The following SLC3A2 variants were observed in gnomAD, a reference collection of about 807,000 sequenced individuals.
The protein encoded by SLC3A2 is amino acid transporter heavy chain SLC3A2.
SLC3A2 carries 32 observed loss-of-function variants against 48.5 expected under a neutral mutation model. That is an observed-to-expected ratio of 0.66 (90% CI 0.50 to 0.89). SLC3A2 has a LOEUF of 0.89. SLC3A2 is among the 40% of genes least tolerant of loss of function. The probability of loss-of-function intolerance (pLI) is 0.00; values close to 1 mark genes in which losing one functional copy is unlikely to be tolerated. For synonymous variants in SLC3A2, 277 were observed against 288.8 expected, an observed-to-expected ratio of 0.96 and a Z score of 0.41; for missense variants, 587 against 680.7, an observed-to-expected ratio of 0.86 and a Z score of 1.53.
chr11:62,866,435 G>A (rs1251861300), intron 1 of SLC3A2, among the ~76,000 whole-genome samples: 1 of 151,510 alleles, frequency 6.6e-6, no homozygotes, highest in East Asian at 1.9e-4. Flanking sequence ...TCACTCTATT[G>A]CCCAGGCTGG....
At position 62,880,986 on chromosome 11, in the gene SLC3A2, A is replaced by G. The variant is rs374326797; in HGVS notation, c.-38A>G. On this transcript the variant is annotated 5_prime_UTR_variant, in exon 1 of 9. Transcript: ENST00000338663. ...CAGGTAGGGGTTGAGCCACCATCTGACCGCAAGCTGCGTCGTGTCGCCGGT... is the reference window on the plus strand; with the variant it reads ...CAGGTAGGGGTTGAGCCACCATCTGGCCGCAAGCTGCGTCGTGTCGCCGGT... 28 of 1,534,756 alleles carry G rather than the reference A, an allele frequency of 1.8e-5. No homozygotes were observed. The African/African-American group carries it at 3.8e-4, about 21-fold the overall frequency.
rs1040858503 is a variant in SLC3A2, at chr11:62,866,772, C to T, written c.112+10391C>T. Among the ~76,000 whole-genome samples, 3 of 152,274 alleles carry T rather than the reference C, an allele frequency of 2.0e-5. No individual in the cohort carries two copies. In the East Asian group the frequency reaches 5.8e-4, roughly 29 times the overall value. On this transcript the variant is annotated intron_variant, in intron 1 of 9. Coordinates refer to the SLC3A2 transcript ENST00000377889. ...CTCATCAGTTCTGTACTTGAGGATA[C>T]TTTATCAGATAGATTTTTGGAACAG...
intron 1 of SLC3A2, among the ~76,000 whole-genome samples, chr11:62,865,429 C>G (rs1286160): frequency 6.6e-6 from 1 of 151,596 alleles, no homozygotes; most frequent in East Asian, 1.9e-4. Flanking sequence ...GGCGTGTGCC[C>G]GTAATCCCAG....
chr11:62,856,144 G>A, exon 1 of SLC3A2: 1 of 695,766 alleles, frequency 1.4e-6, no homozygotes. Flanking sequence ...AGTGCATGTG[G>A]CAGGAGCGGT....
chr11:62,887,812 A>T, intron 7 of SLC3A2: 1 of 197,376 alleles, frequency 5.1e-6, no homozygotes, highest in Non-Finnish European at 1.0e-5. Context: ...TTTTTTTTTG[A>T]GACAGGGTCT....
intron 7 of SLC3A2, among the ~76,000 whole-genome samples, chr11:62,886,267 C>T (rs112157683): frequency 2.4e-3 from 355 of 148,894 alleles, no homozygotes; most frequent in Admixed American, 4.5e-3. Context: ...TTAGCCTGGG[C>T]GGCAGAGGGA....
exon 1 of SLC3A2, chr11:62,856,342 G>A: frequency 6.2e-7 from 1 of 1,613,270 alleles, no homozygotes; most frequent in Non-Finnish European, 8.5e-7. Context: ...CTCACATTCG[G>A]AGGCTGGTGT....
chr11:62,867,930 T>G lies in SLC3A2; in HGVS notation c.112+11549T>G, dbSNP rs114480488. Among the ~76,000 whole-genome samples the G allele has an allele frequency of 7.2e-3, 1,076 of 150,198 alleles. 7 individuals are homozygous for G. Among genetic ancestry groups the G allele is most frequent in the African/African-American group, 0.025 (1,031 of 40,504 alleles). On this transcript the variant is annotated intron_variant, in intron 1 of 9. Coordinates refer to the SLC3A2 transcript ENST00000377889. ...CTACAAATTATTTTTCAAAAAAAAT[T>G]TTTTTTTTTTGAGACAGTCTCACTC...
In SLC3A2 at chr11:62,881,661, G is replaced by T. The variant is rs2085641163; in HGVS notation, c.424+214G>T. 1.1e-6 allele frequency: 1 copy of T among 884,260 alleles called. No individual in the cohort carries two copies. Among genetic ancestry groups the T allele is most frequent in the African/African-American group, 1.7e-5 (1 of 59,108 alleles). The allele number at this position is 884,260 out of a possible 1,614,324, so 54.8% of individuals were successfully genotyped here. On this transcript the variant is annotated intron_variant, in intron 1 of 8. Coordinates refer to ENST00000338663, the MANE Select transcript of SLC3A2 (RefSeq NM_001013251.3). The surrounding 1 kb of genome is among the most constrained non-coding windows in gnomAD (Gnocchi z 4.0). ...GCCCCTCACTCCGTCACGAGGGTGG[G>T]TGACTCAGCGTCCTCCTTCCCCGCG...
chr11:62,862,523 C>T lies in SLC3A2; in HGVS notation c.112+6142C>T, dbSNP rs952777325. ...AAAAGCCCTTCCTCCCTATCGCCACCCCTCCCCCAAGCCTAAACTACCCCT... is the reference window on the plus strand; with the variant it reads ...AAAAGCCCTTCCTCCCTATCGCCACTCCTCCCCCAAGCCTAAACTACCCCT... On this transcript the variant is annotated intron_variant, in intron 1 of 9. Transcript: ENST00000377889. 6.6e-5 allele frequency among the ~76,000 whole-genome samples: 10 copies of T among 151,886 alleles called. No homozygotes were observed. In the East Asian group the frequency reaches 1.9e-3, roughly 29 times the overall value.
chr11:62,870,450 C>G (rs2085499448), intron 1 of SLC3A2, among the ~76,000 whole-genome samples: 3 of 151,760 alleles, frequency 2.0e-5, no homozygotes, highest in South Asian at 4.1e-4. Flanking sequence ...TCCCAAAGTA[C>G]TGGGATTACA....
At chr11:62,867,322 C>CTTTTTTTTTTTTTTTTTTTTTT (rs56758000) in intron 1 of SLC3A2, among the ~76,000 whole-genome samples, 11 of 67,640 alleles carry the variant, frequency 1.6e-4, no homozygotes, top group Non-Finnish European at 2.3e-4. Flanking sequence ...CTTTTCTTTT[C>CTTTTTTTTTTTTTTTTTTTTTT]TTTTTTTTTT....
In SLC3A2 at chr11:62,888,714, A is replaced by T; in HGVS notation, c.*21A>T. The T allele has an allele frequency of 6.4e-7, 1 of 1,550,804 alleles. No individual in the cohort carries two copies. Among genetic ancestry groups the T allele is most frequent in the South Asian group, 1.2e-5 (1 of 84,896 alleles). On this transcript the variant is annotated 3_prime_UTR_variant, in exon 9 of 9. Transcript: ENST00000338663. Reference sequence around the variant, plus strand: ...CCTGACTTCAGCCTGACATGGACCCACTACCCTTCTCCTTTCCTTCCCAGG... The same window carrying T: ...CCTGACTTCAGCCTGACATGGACCCTCTACCCTTCTCCTTTCCTTCCCAGG...
intron 1 of SLC3A2, among the ~76,000 whole-genome samples, chr11:62,865,525 C>T (rs1463012230): frequency 2.2e-5 from 3 of 139,090 alleles, no homozygotes; most frequent in Admixed American, 8.0e-5. Context: ...CACTGCACTC[C>T]AGCCTGGGCA....
chr11:62,881,038 C>T lies in SLC3A2; in HGVS notation c.15C>T (p.Thr5=). Residue 5 remains threonine, a synonymous_variant, in exon 1 of 9, where the codon ACC becomes ACT. Coordinates refer to ENST00000338663, the MANE Select transcript of SLC3A2 (RefSeq NM_001013251.3). This position sits in a 1 kb window ranked among gnomAD's most constrained non-coding sequence, Gnocchi z 4.0. Reference sequence around the variant, plus strand: ...CTGCAGGCACCATGAGCCAGGACACCGAGGTGGATATGAAGGAGGTGGAGC... The same window carrying T: ...CTGCAGGCACCATGAGCCAGGACACTGAGGTGGATATGAAGGAGGTGGAGC... MSQD[T]EVDMKEVELN... 6.3e-7 allele frequency: 1 copy of T among 1,575,812 alleles called. No individual in the cohort carries two copies. Among genetic ancestry groups the T allele is most frequent in the Non-Finnish European group, 8.6e-7 (1 of 1,158,128 alleles).
Position 62,881,904 on chromosome 11 carries a change from C to T in SLC3A2, c.436C>T (p.Arg146Cys), listed in dbSNP as rs542576739. 9.2e-5 allele frequency: 149 copies of T among 1,613,988 alleles called. 5 individuals carry two copies. In the South Asian group the frequency reaches 1.5e-3, roughly 16 times the overall value. Residue 146 changes from arginine (R) to cysteine (C), a missense_variant, in exon 2 of 9, where the codon CGT (arginine) becomes TGT (cysteine). By Grantham distance (180) the Arg-to-Cys change is radical. Coordinates refer to ENST00000338663, the MANE Select transcript of SLC3A2 (RefSeq NM_001013251.3). This position sits in a 1 kb window ranked among gnomAD's most constrained non-coding sequence, Gnocchi z 4.0. ...GAGNLAGLKG[R>C]LDYLSSLKVK... ...AGCCCCCATTTCAGGTCTGAAGGGGCGTCTCGATTACCTGAGCTCTCTGAA... is the reference window on the plus strand; with the variant it reads ...AGCCCCCATTTCAGGTCTGAAGGGGTGTCTCGATTACCTGAGCTCTCTGAA...
At chr11:62,871,548 T>G (rs545352171) in intron 1 of SLC3A2, 1 of 620,222 alleles carries the variant, frequency 1.6e-6, no homozygotes, top group Non-Finnish European at 2.9e-6. Context: ...CCATACTTTA[T>G]ATAATATTAT....
intron 5 of SLC3A2, 123 bp downstream of exon 5, chr11:62,884,813 C>CTTTTTTTTTTTTTTTTGTTTTTT (rs2085686918): frequency 1.8e-5 from 1 of 54,804 alleles, no homozygotes; most frequent in Non-Finnish European, 3.0e-5. Flanking sequence ...CTTTCTTTAG[C>CTTTTTTTTTTTTTTTTGTTTTTT]TTTTTTTTTT....
chr11:62,858,322 G>T (rs929859384), intron 1 of SLC3A2, among the ~76,000 whole-genome samples: 2 of 152,198 alleles, frequency 1.3e-5, no homozygotes, highest in African/African-American at 2.4e-5. Flanking sequence ...CCAGCTGATT[G>T]TTGCCTTGCG....
Sources: gnomAD v4.1 joint callset for allele counts (sites outside exome capture counted in the v4.1 genomes callset) on GRCh38, gnomAD v4.1.1 for gene constraint, Gnocchi (gnomAD v3.1) non-coding constraint, MANE v1.5 for transcripts, NCBI Gene and HGNC (gene_info 2026-07-23, HGNC 2026-07-21) for gene names.